Variants in CHLSN observed in about 807,000 individuals in gnomAD.
CHLSN encodes protein cholesin.
the CHLSN span, among the ~76,000 whole-genome samples, chr7:1,051,641 G>A: frequency 2.0e-5 from 3 of 152,252 alleles, no homozygotes; most frequent in Non-Finnish European, 4.4e-5. Flanking sequence ...AGGACGGGCA[G>A]TAGGTGCAAG....
the CHLSN span, among the ~76,000 whole-genome samples, chr7:981,377 G>A: frequency 6.6e-6 from 1 of 152,048 alleles, no homozygotes; most frequent in Non-Finnish European, 1.5e-5. Flanking sequence ...GCTTTTGGAG[G>A]CGGCCACAGT....
chr7:991,607 GGGGGCTTGCTGGGAAATGCC>G, the CHLSN span, among the ~76,000 whole-genome samples: 2 of 152,344 alleles, frequency 1.3e-5, no homozygotes, highest in East Asian at 3.9e-4. Context: ...GGCACGTCCC[GGGGGCTTGCTGGGAAATGCC>G]GGGGCTTGGC....
the CHLSN span, among the ~76,000 whole-genome samples, chr7:1,035,141 A>G: frequency 1.3e-5 from 2 of 151,374 alleles, no homozygotes; most frequent in Admixed American, 6.6e-5. Flanking sequence ...GGCTGGTGTC[A>G]TGTCTTTGTG....
At chr7:987,342 C>G in the CHLSN span, 3 of 1,572,352 alleles carry the variant, frequency 1.9e-6, no homozygotes, top group Non-Finnish European at 2.6e-6. Flanking sequence ...CACCCTTTGC[C>G]CCAGGCCGGG....
chr7:1,097,275 G>T, the CHLSN span, among the ~76,000 whole-genome samples: 37 of 152,332 alleles, frequency 2.4e-4, no homozygotes, highest in East Asian at 6.8e-3. This position sits in a 1 kb window ranked among gnomAD's most constrained non-coding sequence, Gnocchi z 4.3. Context: ...ATTTGGGCCG[G>T]GGCAGGGAGA....
At chr7:991,216 C>G in the CHLSN span, among the ~76,000 whole-genome samples, 3 of 152,212 alleles carry the variant, frequency 2.0e-5, no homozygotes, top group East Asian at 5.8e-4. Flanking sequence ...GACGGCTGAG[C>G]TTCCCCTCAA....
the CHLSN span, among the ~76,000 whole-genome samples, chr7:1,079,830 C>A: frequency 1.3e-5 from 2 of 152,232 alleles, no homozygotes; most frequent in African/African-American, 4.8e-5. Context: ...AGAAGTGGCG[C>A]CCATGCTTTC....
chr7:1,018,995 G>C, the CHLSN span, among the ~76,000 whole-genome samples: 1 of 152,044 alleles, frequency 6.6e-6, no homozygotes, highest in African/African-American at 2.4e-5. Flanking sequence ...AGGAGTCCGA[G>C]ACCAGCCTGG....
the CHLSN span, among the ~76,000 whole-genome samples, chr7:980,743 A>G: frequency 7.2e-6 from 1 of 139,842 alleles, no homozygotes; most frequent in African/African-American, 2.7e-5. Context: ...GCTGGAGTGC[A>G]GTGGTGCCAT....
At chr7:992,393 C>T in the CHLSN span, among the ~76,000 whole-genome samples, 1 of 152,204 alleles carries the variant, frequency 6.6e-6, no homozygotes, top group South Asian at 2.1e-4. Context: ...GGTGAGGCCC[C>T]CCCACAGTAA....
the CHLSN span, among the ~76,000 whole-genome samples, chr7:1,065,568 G>A: frequency 2.0e-5 from 3 of 152,200 alleles, no homozygotes; most frequent in African/African-American, 7.2e-5. Context: ...ATGTGAGCAC[G>A]TGCAAAGTAC....
chr7:1,088,061 A>AGAGGAGC, the CHLSN span: 1 of 152,332 alleles, frequency 6.6e-6, no homozygotes, highest in Admixed American at 6.5e-5. The surrounding 1 kb of genome is among the most constrained non-coding windows in gnomAD (Gnocchi z 4.5). Context: ...GAGGAGCCAG[A>AGAGGAGC]GAGGAGCGGG....
the CHLSN span, among the ~76,000 whole-genome samples, chr7:1,097,385 G>A: frequency 6.6e-6 from 1 of 152,212 alleles, no homozygotes. This position sits in a 1 kb window ranked among gnomAD's most constrained non-coding sequence, Gnocchi z 4.3. Context: ...CGCCAAAGCT[G>A]GGACAACGTG....
chr7:1,085,784 G>A, the CHLSN span, among the ~76,000 whole-genome samples: 6 of 151,292 alleles, frequency 4.0e-5, no homozygotes, highest in South Asian at 6.3e-4. Flanking sequence ...AGTGAGCTGA[G>A]ATCAGGCCAC....
At chr7:1,108,450 T>G in the CHLSN span, among the ~76,000 whole-genome samples, 1 of 152,104 alleles carries the variant, frequency 6.6e-6, no homozygotes, top group East Asian at 1.9e-4. Flanking sequence ...TGGGCAGCTT[T>G]GCACCTATCT....
chr7:1,040,995 GAGGCTCGGCAGTATGCTGGAGA>G, the CHLSN span, among the ~76,000 whole-genome samples: 3 of 152,264 alleles, frequency 2.0e-5, no homozygotes, highest in Non-Finnish European at 4.4e-5. Context: ...CCCGAAGCCA[GAGGCTCGGCAGTATGCTGGAGA>G]CCCATCCTGG....
the CHLSN span, among the ~76,000 whole-genome samples, chr7:1,136,433 C>CATATATATAA: frequency 1.0e-5 from 1 of 100,038 alleles, no homozygotes; most frequent in Non-Finnish European, 1.8e-5. Flanking sequence ...TATATATAAA[C>CATATATATAA]ATATATATAA....
chr7:1,041,869 C>A, the CHLSN span, among the ~76,000 whole-genome samples: 180 of 152,206 alleles, frequency 1.2e-3, no homozygotes, highest in African/African-American at 4.1e-3. Flanking sequence ...TCCTGACCAG[C>A]AGCCCCGGAT....
chr7:983,508 C>T, the CHLSN span: 2 of 1,026,780 alleles, frequency 1.9e-6, no homozygotes, highest in South Asian at 2.5e-5. Flanking sequence ...CCCAGCGGGG[C>T]ACGCAGGAGG....
Sources: allele counts gnomAD v4.1 joint callset (sites outside exome capture counted in the v4.1 genomes callset), GRCh38; gene constraint gnomAD v4.1.1; non-coding constraint Gnocchi (gnomAD v3.1); transcripts MANE v1.5; gene names NCBI Gene and HGNC (gene_info 2026-07-23, HGNC 2026-07-21).